The following PDSS2 variants were observed in gnomAD, a reference collection of about 807,000 sequenced individuals.
PDSS2 encodes decaprenyl diphosphate synthase subunit 2, also known as all trans-polyprenyl-diphosphate synthase PDSS2.
PDSS2 carries 31 observed loss-of-function variants against 44.5 expected under a neutral mutation model. The observed-to-expected ratio is 0.70, with a 90% CI of 0.52 to 0.94. The LOEUF is 0.94. Among genes scored for constraint, PDSS2 ranks in the 40% least tolerant of loss-of-function variants. The probability of loss-of-function intolerance (pLI) is 0.00; values close to 1 mark genes in which losing one functional copy is unlikely to be tolerated. For synonymous variants in PDSS2, 157 were observed against 180.3 expected, an observed-to-expected ratio of 0.87 and a Z score of 1.03; for missense variants, 452 against 482.2, an observed-to-expected ratio of 0.94 and a Z score of 0.59.
At chr6:107,394,533 T>C (rs1450347761) in intron 1 of PDSS2, among the ~76,000 whole-genome samples, 1 of 152,078 alleles carries the variant, frequency 6.6e-6, no homozygotes, top group Non-Finnish European at 1.5e-5. Context: ...ACTAAACCAT[T>C]CAAGATAAAC....
At chr6:107,359,224 C>T (rs1337435114) in intron 1 of PDSS2, among the ~76,000 whole-genome samples, 3 of 151,406 alleles carry the variant, frequency 2.0e-5, no homozygotes, top group Admixed American at 6.6e-5. Context: ...GTTGGCCAGG[C>T]TGGTCTCAAA....
intron 2 of PDSS2, among the ~76,000 whole-genome samples, chr6:107,307,429 C>T (rs1009181281): frequency 8.5e-5 from 13 of 152,224 alleles, no homozygotes; most frequent in East Asian, 3.9e-4. Flanking sequence ...ATTGAAACTA[C>T]GCATTCAAAT....
At chr6:107,259,536 G>A (rs573266965) in intron 3 of PDSS2, among the ~76,000 whole-genome samples, 16 of 152,142 alleles carry the variant, frequency 1.1e-4, no homozygotes, top group African/African-American at 3.6e-4. Context: ...TTAGCCGGGC[G>A]TGGTGGCACA....
intron 1 of PDSS2, among the ~76,000 whole-genome samples, chr6:107,418,600 C>G (rs774129517): frequency 6.6e-6 from 1 of 151,912 alleles, no homozygotes; most frequent in Non-Finnish European, 1.5e-5. Context: ...GATGATACCC[C>G]GCATCTGCCA....
At chr6:107,377,787 C>T (rs1362361987) in intron 1 of PDSS2, among the ~76,000 whole-genome samples, 1 of 151,134 alleles carries the variant, frequency 6.6e-6, no homozygotes, top group Non-Finnish European at 1.5e-5. Flanking sequence ...ATCGCAAGGA[C>T]AAAAAACCAA....
At chr6:107,458,650 A>T (rs1354381495) in intron 1 of PDSS2, among the ~76,000 whole-genome samples, 1 of 125,582 alleles carries the variant, frequency 8.0e-6, no homozygotes, top group Non-Finnish European at 1.7e-5. Flanking sequence ...CTATCCCATT[A>T]AAAAAAAAAA....
chr6:107,205,694 T>C (rs1463942231), intron 6 of PDSS2, among the ~76,000 whole-genome samples: 2 of 152,112 alleles, frequency 1.3e-5, no homozygotes, highest in South Asian at 2.1e-4. Flanking sequence ...AGTGTGGTTG[T>C]GTGCGTGTGT....
intron 4 of PDSS2, among the ~76,000 whole-genome samples, chr6:107,214,837 C>T (rs1773359237): frequency 6.6e-6 from 1 of 152,186 alleles, no homozygotes; most frequent in African/African-American, 2.4e-5. Flanking sequence ...AGACTGGTCT[C>T]AAACTCCTGA....
intron 2 of PDSS2, among the ~76,000 whole-genome samples, chr6:107,275,178 C>T (rs1775736957): frequency 6.6e-6 from 1 of 152,022 alleles, no homozygotes; most frequent in South Asian, 2.1e-4. Flanking sequence ...ATGTTTGTTC[C>T]TTTTTTATAC....
intron 3 of PDSS2, among the ~76,000 whole-genome samples, chr6:107,253,458 T>A (rs1346566829): frequency 2.6e-5 from 4 of 152,256 alleles, no homozygotes; most frequent in Non-Finnish European, 5.9e-5. Flanking sequence ...ATACATTGTC[T>A]AGATAAATAA....
At chr6:107,282,762 A>G (rs1031554404) in intron 2 of PDSS2, among the ~76,000 whole-genome samples, 1 of 150,372 alleles carries the variant, frequency 6.7e-6, no homozygotes, top group African/African-American at 2.4e-5. Context: ...CCAGCTACTC[A>G]GGAGGCTGAG....
chr6:107,300,626 GGGGGA>G (rs1208271573), intron 2 of PDSS2, among the ~76,000 whole-genome samples: 1 of 152,222 alleles, frequency 6.6e-6, no homozygotes, highest in Non-Finnish European at 1.5e-5. Context: ...TGAGAGCACA[GGGGGA>G]GGGACAATGA....
At chr6:107,407,782 C>A (rs1350994098) in intron 1 of PDSS2, among the ~76,000 whole-genome samples, 2 of 151,844 alleles carry the variant, frequency 1.3e-5, no homozygotes, top group East Asian at 3.9e-4. Context: ...TCACTGCAAT[C>A]TCTGCCTCCT....
intron 6 of PDSS2, among the ~76,000 whole-genome samples, chr6:107,204,949 A>G (rs1772921105): frequency 6.6e-6 from 1 of 152,234 alleles, no homozygotes; most frequent in Admixed American, 6.5e-5. Context: ...GTGGTCATGC[A>G]TATAGTTCTT....
intron 2 of PDSS2, among the ~76,000 whole-genome samples, chr6:107,277,563 G>A (rs930074023): frequency 6.6e-6 from 1 of 151,982 alleles, no homozygotes; most frequent in Admixed American, 6.6e-5. Context: ...AGGGAAAGTA[G>A]GGATATGGGG....
intron 7 of PDSS2, among the ~76,000 whole-genome samples, chr6:107,162,343 A>G (rs1417354869): frequency 2.0e-5 from 3 of 151,688 alleles, no homozygotes; most frequent in Admixed American, 6.6e-5. Flanking sequence ...AAAAACAAAA[A>G]TTAGCCCGGT....
chr6:107,323,617 C>T (rs928511191), intron 2 of PDSS2, among the ~76,000 whole-genome samples: 2 of 152,082 alleles, frequency 1.3e-5, no homozygotes, highest in Admixed American at 6.6e-5. Flanking sequence ...AGATGCCTTC[C>T]GTATGAGTTC....
rs58803876 is a variant in PDSS2 at position 107,269,340 on chromosome 6, CTGTGTG to C, written c.630+4683_630+4688del. 0.015 allele frequency among the ~76,000 whole-genome samples: 2,174 copies of C among 143,250 alleles called. 106 individuals are homozygous for C. In the East Asian group the frequency reaches 0.2, roughly 13 times the overall value. The allele number at this position is 143,250 out of a possible 152,430, so 94.0% of individuals were successfully genotyped here. ...GCCTTCTCAATCTCATTTCGTGTGT[CTGTGTG>C]TGTGTGTGTGTGTGTGTGTGTGTGT... On this transcript the variant is annotated intron_variant, in intron 3 of 7. Transcript: ENST00000369037.
At chr6:107,411,438 T>G (rs1263338708) in intron 1 of PDSS2, among the ~76,000 whole-genome samples, 1 of 152,224 alleles carries the variant, frequency 6.6e-6, no homozygotes, top group Admixed American at 6.5e-5. Context: ...GAAAACTGTT[T>G]TACTGTAGTT....
Sources: allele counts gnomAD v4.1 joint callset (sites outside exome capture counted in the v4.1 genomes callset), GRCh38; gene constraint gnomAD v4.1.1; transcripts MANE v1.5; gene names NCBI Gene and HGNC (gene_info 2026-07-23, HGNC 2026-07-21).